MARCHF1: variants seen among roughly 807,000 people sequenced by gnomAD.
MARCHF1 encodes the protein E3 ubiquitin-protein ligase MARCHF1.
Under a neutral mutation model 54.2 loss-of-function variants are expected in MARCHF1, and 40 were observed. The observed-to-expected ratio is 0.74, with a 90% CI of 0.57 to 0.96. The LOEUF (loss-of-function observed/expected upper bound fraction) is 0.96. MARCHF1 is among the 40% of genes least tolerant of loss of function. MARCHF1 has a pLI of 0.00. For missense variants in MARCHF1, 586 were observed against 656.5 expected (o/e 0.89, Z 1.17); for synonymous variants, 236 against 236.3 (o/e 1.00, Z 0.01).
At chr4:163,548,162 GA>G (rs764571966) in intron 8 of MARCHF1, among the ~76,000 whole-genome samples, 34 of 152,062 alleles carry the variant, frequency 2.2e-4, no homozygotes, top group Non-Finnish European at 4.6e-4. Context: ...TATAATCATA[GA>G]ATATTATTAT....
chr4:163,669,773 A>G (rs551242495), intron 5 of MARCHF1, among the ~76,000 whole-genome samples: 1 of 152,030 alleles, frequency 6.6e-6, no homozygotes, highest in African/African-American at 2.4e-5. Flanking sequence ...TAATTTTTGT[A>G]TTTTTAGTAG....
chr4:163,556,059 C>G (rs1308105643), intron 8 of MARCHF1: 3 of 443,080 alleles, frequency 6.8e-6, no homozygotes, highest in Non-Finnish European at 9.1e-6. Flanking sequence ...GCCCAGAGCA[C>G]TGAGTTGACT....
At chr4:163,774,322 A>G (rs1747243469) in intron 4 of MARCHF1, among the ~76,000 whole-genome samples, 1 of 152,172 alleles carries the variant, frequency 6.6e-6, no homozygotes, top group African/African-American at 2.4e-5. Context: ...ACTAATGTGG[A>G]ACCCATGGAC....
intron 1 of MARCHF1, among the ~76,000 whole-genome samples, chr4:164,144,444 A>G (rs1294591492): frequency 1.3e-5 from 2 of 151,484 alleles, no homozygotes; most frequent in East Asian, 3.9e-4. Context: ...CAGCAAATGT[A>G]AAAGAACAGA....
intron 3 of MARCHF1, among the ~76,000 whole-genome samples, chr4:163,966,167 A>G (rs895940866): frequency 6.6e-6 from 1 of 152,072 alleles, no homozygotes; most frequent in African/African-American, 2.4e-5. Flanking sequence ...CTAATACCAA[A>G]ATAAGCAATC....
chr4:164,133,667 G>C (rs1221931875), intron 1 of MARCHF1, among the ~76,000 whole-genome samples: 1 of 152,054 alleles, frequency 6.6e-6, no homozygotes, highest in African/African-American at 2.4e-5. Flanking sequence ...TTTAACCTAG[G>C]CTGTCGGTAA....
intron 4 of MARCHF1, among the ~76,000 whole-genome samples, chr4:163,829,470 C>G (rs1048753718): frequency 2.0e-5 from 3 of 152,136 alleles, no homozygotes; most frequent in Non-Finnish European, 4.4e-5. Context: ...TTGACTTATG[C>G]ACTTTAATAT....
chr4:163,830,530 C>A (rs1748989046), intron 4 of MARCHF1, among the ~76,000 whole-genome samples: 1 of 152,096 alleles, frequency 6.6e-6, no homozygotes. Flanking sequence ...TTCTCTATTC[C>A]TCCCTCCTTC....
intron 2 of MARCHF1, among the ~76,000 whole-genome samples, chr4:164,027,775 G>A (rs1255295682): frequency 6.6e-6 from 1 of 151,872 alleles, no homozygotes; most frequent in Non-Finnish European, 1.5e-5. Context: ...TTTCTGCACT[G>A]CAAAATAATC....
chr4:164,366,237 C>T (rs1730876648), intron 1 of MARCHF1, among the ~76,000 whole-genome samples: 1 of 151,956 alleles, frequency 6.6e-6, no homozygotes. Context: ...TAGGGCTTGT[C>T]CATTCCAATA....
intron 5 of MARCHF1, among the ~76,000 whole-genome samples, chr4:163,660,600 T>A (rs142553114): frequency 1.4e-4 from 22 of 152,076 alleles, no homozygotes; most frequent in African/African-American, 5.3e-4. Flanking sequence ...ATTGTTTGAC[T>A]TTCAAAAAGT....
chr4:164,233,686 G>A (rs1057383056), intron 1 of MARCHF1, among the ~76,000 whole-genome samples: 3 of 151,862 alleles, frequency 2.0e-5, no homozygotes, highest in African/African-American at 7.3e-5. Context: ...CCTCCAAGAT[G>A]GCCCATTTTT....
chr4:164,337,628 T>C lies in MARCHF1; in HGVS notation c.-323+46242A>G, dbSNP rs534345348. On this transcript the variant is annotated intron_variant, in intron 1 of 9. Coordinates refer to ENST00000514618, the MANE Select transcript of MARCHF1 (RefSeq NM_001394959.1). ...AACCACTTGGGATATCTGGCATGTGTACACCTCCTAACTAGCCTACAGACA... is the reference window on the plus strand; with the variant it reads ...AACCACTTGGGATATCTGGCATGTGCACACCTCCTAACTAGCCTACAGACA... Among the ~76,000 whole-genome samples, 156 of 152,318 alleles carry C rather than the reference T, an allele frequency of 1.0e-3. 3 individuals carry two copies. In the South Asian group the frequency reaches 0.031, roughly 30 times the overall value.
intron 4 of MARCHF1, among the ~76,000 whole-genome samples, chr4:163,817,294 T>C (rs1242010643): frequency 3.9e-5 from 6 of 152,050 alleles, no homozygotes; most frequent in South Asian, 2.1e-4. Context: ...TGTGTATACA[T>C]ATACATACAT....
intron 1 of MARCHF1, among the ~76,000 whole-genome samples, chr4:164,156,635 C>T (rs113577202): frequency 0.14 from 21,255 of 151,948 alleles, 1,930 homozygotes; most frequent in African/African-American, 0.24. Flanking sequence ...TTGCCCAGGT[C>T]GGTCTCAAAC....
At chr4:163,742,740 T>G (rs1371748854) in intron 4 of MARCHF1, among the ~76,000 whole-genome samples, 1 of 151,976 alleles carries the variant, frequency 6.6e-6, no homozygotes, top group African/African-American at 2.4e-5. Context: ...GACCTCCCAG[T>G]GTGTTGGAAT....
chr4:164,091,862 T>TTGTGTGTGTG (rs56160451), intron 2 of MARCHF1, among the ~76,000 whole-genome samples: 102 of 148,648 alleles, frequency 6.9e-4, no homozygotes, highest in Middle Eastern at 6.9e-3. Context: ...ATGTATACTT[T>TTGTGTGTGTG]TGTGTGTGTG....
intron 2 of MARCHF1, among the ~76,000 whole-genome samples, chr4:164,014,786 G>C (rs1753501296): frequency 6.6e-6 from 1 of 152,078 alleles, no homozygotes; most frequent in East Asian, 1.9e-4. Flanking sequence ...AACTGAAAAT[G>C]GTCATTATAT....
intron 1 of MARCHF1, among the ~76,000 whole-genome samples, chr4:164,205,283 T>C (rs1731575382): frequency 6.6e-6 from 1 of 152,330 alleles, no homozygotes. Flanking sequence ...GTCCTCAAAC[T>C]GTGCAAAGAA....
Sources: allele counts gnomAD v4.1 joint callset (sites outside exome capture counted in the v4.1 genomes callset), GRCh38; gene constraint gnomAD v4.1.1; transcripts MANE v1.5; gene names NCBI Gene and HGNC (gene_info 2026-07-23, HGNC 2026-07-21).